Variants in CHODL observed in about 807,000 individuals in gnomAD.
CHODL encodes the protein transmembrane protein MT75.
A neutral mutation model predicts 34.5 loss-of-function variants in CHODL; 29 were observed. That is an observed-to-expected ratio of 0.84 (90% CI 0.63 to 1.15). CHODL has a LOEUF of 1.15. CHODL is among the 50% of genes most tolerant of loss of function. CHODL has a pLI of 0.00. For missense variants in CHODL, 332 were observed against 332.5 expected (o/e 1.00, Z 0.01); for synonymous variants, 125 against 116.1 (o/e 1.08, Z -0.49).
At chr21:18,196,268 A>G (rs2073586937) in intron 2 of CHODL, among the ~76,000 whole-genome samples, 1 of 152,234 alleles carries the variant, frequency 6.6e-6, no homozygotes, top group South Asian at 2.1e-4. Context: ...TATGTTATAC[A>G]CTATATCTCA....
chr21:17,940,842 G>C (rs936719023), intron 1 of CHODL, among the ~76,000 whole-genome samples: 1 of 152,136 alleles, frequency 6.6e-6, no homozygotes, highest in Non-Finnish European at 1.5e-5. Flanking sequence ...CACACTGTCA[G>C]ATTCTTGAAA....
At chr21:18,102,293 T>C (rs1249366391) in intron 2 of CHODL, among the ~76,000 whole-genome samples, 2 of 152,190 alleles carry the variant, frequency 1.3e-5, no homozygotes, top group Non-Finnish European at 2.9e-5. Flanking sequence ...TTCCTACTTA[T>C]GTCCTTTAAC....
chr21:18,161,147 T>C (rs926604468), intron 2 of CHODL, among the ~76,000 whole-genome samples: 1 of 152,182 alleles, frequency 6.6e-6, no homozygotes, highest in Non-Finnish European at 1.5e-5. Flanking sequence ...TCTGTTCATG[T>C]CCTTTGCCCA....
chr21:18,245,213 A>T lies in CHODL; in HGVS notation c.-11A>T. The T allele has an allele frequency of 4.1e-6, 6 of 1,463,252 alleles. No individual in the cohort carries two copies. The highest frequency in any genetic ancestry group is 4.5e-6 in the Non-Finnish European group (5 of 1,107,946). 90.6% of individuals were successfully genotyped at this position (1,463,252 alleles called of 1,614,324 possible). A position where few individuals can be genotyped will look rare whatever the true frequency, so the allele number is the denominator to read the frequency against. On this transcript the variant is annotated 5_prime_UTR_variant, in exon 1 of 6. Coordinates refer to ENST00000299295, the MANE Select transcript of CHODL (RefSeq NM_024944.3). ...GCTCCACGCAACACCTGCTGCTGCC[A>T]CCGCGCCGCGATGAGCCGCGTGGTC... is the stretch of plus-strand genomic sequence containing the variant.
chr21:18,190,812 G>T (rs1376488677), intron 2 of CHODL, among the ~76,000 whole-genome samples: 1 of 152,136 alleles, frequency 6.6e-6, no homozygotes, highest in Non-Finnish European at 1.5e-5. Flanking sequence ...ACCAATAATT[G>T]TCATATTGTA....
At position 18,222,750 on chromosome 21, in the gene CHODL, C is replaced by A. The variant is rs140532998; in HGVS notation, c.-44-33759C>A. Among the ~76,000 whole-genome samples the A allele has an allele frequency of 4.4e-3, 673 of 152,262 alleles. 9 individuals carry two copies. Among genetic ancestry groups the A allele is most frequent in the African/African-American group, 0.015 (642 of 41,556 alleles). On this transcript the variant is annotated intron_variant, in intron 2 of 6. Transcript: ENST00000400127. ...GGATTCTAGAATTTTCCCATAGAGG[C>A]TCTGTTTGACATTTAGTTATGTACT...
intron 1 of CHODL, among the ~76,000 whole-genome samples, chr21:17,952,194 CAAAAAAAA>C (rs58511535): frequency 3.7e-5 from 3 of 80,374 alleles, no homozygotes; most frequent in East Asian, 4.0e-4. Flanking sequence ...TACTATGTCT[CAAAAAAAA>C]AAAAAAAAAA....
chr21:18,248,972 T>C lies in CHODL; in HGVS notation c.79+3670T>C, dbSNP rs184119198. On this transcript the variant is annotated intron_variant, in intron 1 of 5. Coordinates refer to ENST00000299295, the MANE Select transcript of CHODL (RefSeq NM_024944.3). ...CATATATATGTAATATATACATATA[T>C]GTAAATATATATTATACATATATGT... Among the ~76,000 whole-genome samples the C allele has an allele frequency of 2.7e-3, 292 of 108,914 alleles. 6 individuals carry two copies. The Admixed American group carries it at 0.028, about 10-fold the overall frequency. The allele number at this position is 108,914 out of a possible 152,430, so 71.5% of individuals were successfully genotyped here. A position where few individuals can be genotyped will look rare whatever the true frequency, so the allele number is the denominator to read the frequency against.
At chr21:18,124,788 G>A (rs180967103) in intron 2 of CHODL, among the ~76,000 whole-genome samples, 31 of 152,166 alleles carry the variant, frequency 2.0e-4, no homozygotes, top group Non-Finnish European at 3.5e-4. Flanking sequence ...AACAATAGCT[G>A]GTATTTACTA....
chr21:18,254,868 G>T (rs1354456043), intron 1 of CHODL, among the ~76,000 whole-genome samples: 1 of 152,014 alleles, frequency 6.6e-6, no homozygotes, highest in East Asian at 1.9e-4. Context: ...ATTTAATTTT[G>T]AGATTTTTTT....
intron 2 of CHODL, among the ~76,000 whole-genome samples, chr21:18,047,756 G>A (rs1356290280): frequency 2.0e-5 from 3 of 151,890 alleles, no homozygotes; most frequent in Non-Finnish European, 4.4e-5. Flanking sequence ...AAACAGATAT[G>A]CATGTTATAG....
intron 2 of CHODL, among the ~76,000 whole-genome samples, chr21:18,142,408 C>A (rs1201789000): frequency 6.6e-6 from 1 of 152,118 alleles, no homozygotes; most frequent in East Asian, 1.9e-4. Flanking sequence ...TTAAAGAAAG[C>A]ATGGGAATTA....
At chr21:17,945,278 T>TA (rs921046161) in intron 1 of CHODL, among the ~76,000 whole-genome samples, 4 of 150,200 alleles carry the variant, frequency 2.7e-5, no homozygotes, top group East Asian at 1.9e-4. Context: ...ATAAAATGAC[T>TA]AAAAAAAATT....
intron 1 of CHODL, among the ~76,000 whole-genome samples, chr21:17,967,482 A>G (rs1432086255): frequency 6.6e-6 from 1 of 152,134 alleles, no homozygotes; most frequent in Non-Finnish European, 1.5e-5. Flanking sequence ...GTTTCTCCCT[A>G]AGAGCTTGGT....
chr21:17,940,800 T>C (rs2824566), intron 1 of CHODL, among the ~76,000 whole-genome samples: 52,050 of 151,960 alleles, frequency 0.34, 9,332 homozygotes, highest in South Asian at 0.49. Flanking sequence ...AAACTCATTG[T>C]ATTAATAGAC....
intron 1 of CHODL, 49 bp downstream of exon 1, chr21:18,245,351 C>T (rs1003086361): frequency 7.1e-7 from 1 of 1,409,408 alleles, no homozygotes; most frequent in South Asian, 1.4e-5. Flanking sequence ...GAGGGGACCA[C>T]GGGGCGCGGC....
chr21:18,032,503 C>T (rs993630838), intron 2 of CHODL, among the ~76,000 whole-genome samples: 2 of 151,904 alleles, frequency 1.3e-5, no homozygotes, highest in Admixed American at 6.6e-5. Flanking sequence ...TTGAAAGATT[C>T]GGGGGAATTG....
chr21:17,929,575 G>A (rs1238672747), intron 1 of CHODL, among the ~76,000 whole-genome samples: 2 of 152,244 alleles, frequency 1.3e-5, no homozygotes, highest in African/African-American at 4.8e-5. Flanking sequence ...TTGGTATGGA[G>A]CCAGGAGTAG....
intron 1 of CHODL, among the ~76,000 whole-genome samples, chr21:18,003,756 C>G (rs1369735144): frequency 1.3e-5 from 2 of 152,150 alleles, no homozygotes; most frequent in African/African-American, 2.4e-5. Context: ...GGACTGAGAC[C>G]TAGAACCCAA....
Sources: gnomAD v4.1 joint callset for allele counts (sites outside exome capture counted in the v4.1 genomes callset) on GRCh38, gnomAD v4.1.1 for gene constraint, MANE v1.5 for transcripts, NCBI Gene and HGNC (gene_info 2026-07-23, HGNC 2026-07-21) for gene names.